AUTS2: variants seen among roughly 807,000 people sequenced by gnomAD.
The protein encoded by AUTS2 is autism susceptibility gene 2 protein.
Under a neutral mutation model 112.4 loss-of-function variants are expected in AUTS2, and 17 were observed. The observed-to-expected ratio is 0.15, with a 90% CI of 0.10 to 0.23. AUTS2 has a LOEUF of 0.23. Ranked by LOEUF, AUTS2 falls within the 10% of genes least tolerant of loss-of-function variation. AUTS2 has a pLI of 1.00. For missense variants in AUTS2, 1,510 were observed against 1,701.6 expected (o/e 0.89, Z 1.98); for synonymous variants, 751 against 702.7 (o/e 1.07, Z -1.09).
At chr7:70,327,705 G>A (rs965567641) in intron 4 of AUTS2, among the ~76,000 whole-genome samples, 6 of 152,168 alleles carry the variant, frequency 3.9e-5, no homozygotes, top group Non-Finnish European at 7.4e-5. Context: ...CAATACAGGT[G>A]TGGTTAGTCT....
intron 1 of AUTS2, among the ~76,000 whole-genome samples, chr7:69,735,137 T>C (rs891785914): frequency 5.3e-5 from 8 of 152,212 alleles, no homozygotes; most frequent in African/African-American, 1.9e-4. Context: ...TTATGTGAGA[T>C]GTCTTAAACA....
intron 2 of AUTS2, among the ~76,000 whole-genome samples, chr7:70,044,114 A>G (rs1020102097): frequency 6.6e-6 from 1 of 151,996 alleles, no homozygotes; most frequent in Non-Finnish European, 1.5e-5. Context: ...TCCACAGGCC[A>G]TTGACTGGAA....
At chr7:69,661,421 T>G (rs1486289689) in intron 1 of AUTS2, among the ~76,000 whole-genome samples, 1 of 152,230 alleles carries the variant, frequency 6.6e-6, no homozygotes, top group Non-Finnish European at 1.5e-5. Flanking sequence ...GGGGCAAAAT[T>G]ACTGTAGTTT....
chr7:70,620,857 C>T (rs1292423896), intron 5 of AUTS2, among the ~76,000 whole-genome samples: 2 of 152,088 alleles, frequency 1.3e-5, no homozygotes, highest in African/African-American at 4.8e-5. Context: ...GGCACCAGAT[C>T]AAGGGGCAGG....
intron 5 of AUTS2, among the ~76,000 whole-genome samples, chr7:70,653,399 C>T (rs936514050): frequency 6.6e-6 from 1 of 152,160 alleles, no homozygotes; most frequent in Admixed American, 6.5e-5. Context: ...ACTGTGAACA[C>T]GGATGAAGTA....
chr7:70,398,398 ATCT>A (rs1794180074), intron 4 of AUTS2, among the ~76,000 whole-genome samples: 1 of 151,030 alleles, frequency 6.6e-6, no homozygotes, highest in Non-Finnish European at 1.5e-5. Context: ...ATTTATTTAG[ATCT>A]TCTTTCATTT....
intron 1 of AUTS2, among the ~76,000 whole-genome samples, chr7:69,631,140 C>A (rs1226990237): frequency 1.3e-5 from 2 of 151,952 alleles, no homozygotes; most frequent in Non-Finnish European, 2.9e-5. Flanking sequence ...TCACATACTT[C>A]CCAAAAGCCA....
At chr7:70,486,900 C>A (rs1039460414) in intron 5 of AUTS2, among the ~76,000 whole-genome samples, 1 of 111,306 alleles carries the variant, frequency 9.0e-6, no homozygotes, top group Middle Eastern at 4.5e-3. Flanking sequence ...TTTGTATTCC[C>A]CCCCCCCCAA....
intron 5 of AUTS2, among the ~76,000 whole-genome samples, chr7:70,611,786 A>G (rs1804106132): frequency 6.6e-6 from 1 of 152,248 alleles, no homozygotes; most frequent in African/African-American, 2.4e-5. Context: ...GAATGTACTT[A>G]TACTCACATT....
chr7:69,995,937 G>A (rs759568935), intron 2 of AUTS2, among the ~76,000 whole-genome samples: 14 of 152,168 alleles, frequency 9.2e-5, no homozygotes, highest in Non-Finnish European at 1.5e-4. Context: ...CTTTCTCTAA[G>A]GTGGGTCCAG....
At chr7:70,408,320 G>A (rs780278591) in intron 4 of AUTS2, among the ~76,000 whole-genome samples, 36 of 152,182 alleles carry the variant, frequency 2.4e-4, no homozygotes, top group Admixed American at 1.6e-3. Flanking sequence ...GGTTCATAGG[G>A]TGAGCTCAGT....
At chr7:70,489,708 A>G (rs987661821) in intron 5 of AUTS2, among the ~76,000 whole-genome samples, 61 of 152,318 alleles carry the variant, frequency 4.0e-4, no homozygotes, top group African/African-American at 1.4e-3. Context: ...TAATCACTGG[A>G]GACACAGCAT....
chr7:70,086,973 T>C (rs1803641160), intron 2 of AUTS2, among the ~76,000 whole-genome samples: 2 of 151,948 alleles, frequency 1.3e-5, no homozygotes, highest in Non-Finnish European at 1.5e-5. Context: ...TTTTCTTATA[T>C]TATTGCACTG....
chr7:70,472,805 G>A (rs750357149), intron 5 of AUTS2, among the ~76,000 whole-genome samples: 7 of 152,162 alleles, frequency 4.6e-5, no homozygotes, highest in East Asian at 1.9e-4. Flanking sequence ...TGGATTAGAC[G>A]TCACAGAAAG....
At chr7:70,730,034 C>CA (rs1329414014) in intron 6 of AUTS2, among the ~76,000 whole-genome samples, 2 of 152,172 alleles carry the variant, frequency 1.3e-5, no homozygotes, top group African/African-American at 4.8e-5. Flanking sequence ...AGGCACACGC[C>CA]ACCACGCCCG....
chr7:70,448,276 A>G (rs1320149698), intron 5 of AUTS2, among the ~76,000 whole-genome samples: 2 of 152,166 alleles, frequency 1.3e-5, no homozygotes, highest in Non-Finnish European at 2.9e-5. Flanking sequence ...TCACCTGTGT[A>G]CATGATAGGG....
rs185876785 is a variant in AUTS2 at position 69,718,523 on chromosome 7, G to A, written c.309+118561G>A. On this transcript the variant is annotated intron_variant, in intron 1 of 18. Coordinates refer to ENST00000342771, the MANE Select transcript of AUTS2 (RefSeq NM_015570.4). ...CAGCAGATTGAGCCCTTCTTAAAAT[G>A]CCATCTCTTTGTTTCTCTTTTCCAT... 3.5e-3 allele frequency among the ~76,000 whole-genome samples: 534 copies of A among 152,172 alleles called. 2 individuals carry two copies. The highest frequency in any genetic ancestry group is 0.012 in the African/African-American group (509 of 41,528).
intron 5 of AUTS2, among the ~76,000 whole-genome samples, chr7:70,649,475 C>A (rs1239586110): frequency 6.6e-6 from 1 of 151,956 alleles, no homozygotes; most frequent in Non-Finnish European, 1.5e-5. Context: ...AGGATTTAAT[C>A]TCAGAGTGTC....
intron 2 of AUTS2, among the ~76,000 whole-genome samples, chr7:69,948,565 A>C (rs1233418110): frequency 6.6e-6 from 1 of 152,144 alleles, no homozygotes; most frequent in Non-Finnish European, 1.5e-5. Context: ...ACAAACAGAA[A>C]GGGGACAGAG....
Sources: allele counts gnomAD v4.1 joint callset (sites outside exome capture counted in the v4.1 genomes callset), GRCh38; gene constraint gnomAD v4.1.1; transcripts MANE v1.5; gene names NCBI Gene and HGNC (gene_info 2026-07-23, HGNC 2026-07-21).